Variants in BID observed in about 807,000 individuals in gnomAD.
The protein encoded by BID is BH3-interacting domain death agonist.
A neutral mutation model predicts 17.4 loss-of-function variants in BID; 19 were observed. The observed-to-expected ratio is 1.09, with a 90% CI of 0.76 to 1.60. The LOEUF (loss-of-function observed/expected upper bound fraction) is 1.60. Ranked by LOEUF, BID falls within the 40% of genes most tolerant of loss-of-function variation. BID has a pLI of 0.00. For missense variants in BID, 226 were observed against 256.0 expected (o/e 0.88, Z 0.80); for synonymous variants, 108 against 102.8 (o/e 1.05, Z -0.31).
chr22:17,761,370 G>C (rs1002480354), intron 1 of BID, among the ~76,000 whole-genome samples: 1 of 151,378 alleles, frequency 6.6e-6, no homozygotes, highest in African/African-American at 2.4e-5. Context: ...AAATGATTCT[G>C]CTATACAGAA....
chr22:17,754,764 TTGTTTG>T (rs2061568927), intron 1 of BID, among the ~76,000 whole-genome samples: 1 of 152,166 alleles, frequency 6.6e-6, no homozygotes, highest in African/African-American at 2.4e-5. Flanking sequence ...GTTTTTGTTT[TTGTTTG>T]TGTTTTTTTT....
intron 2 of BID, among the ~76,000 whole-genome samples, chr22:17,747,001 A>G (rs1379219267): frequency 2.0e-5 from 3 of 152,218 alleles, no homozygotes; most frequent in Admixed American, 2.0e-4. Context: ...ATCTGGACAC[A>G]GAGCGGTGCT....
rs1569037832 is a variant in BID, at chr22:17,739,357, A to T, written c.355T>A (p.Ser119Thr). The T allele has an allele frequency of 6.3e-7, 1 of 1,594,002 alleles. No individual in the cohort carries two copies. The highest frequency in any genetic ancestry group is 1.1e-5 in the South Asian group (1 of 89,900). ...LALQLRNTSRSEEDRNRDLAT... is the reference protein window; with the variant it reads ...LALQLRNTSRTEEDRNRDLAT... ...CTCAGGCCCTCACTCACCTCCTCCGACCGGCTGGTGTTCCTGAGCTGCAGG... is the reference window on the plus strand; with the variant it reads ...CTCAGGCCCTCACTCACCTCCTCCGTCCGGCTGGTGTTCCTGAGCTGCAGG... The change falls in exon 4 of 6, where the codon TCG becomes ACG. Residue 119 changes from serine (S) to threonine (T), a missense_variant. Coordinates refer to ENST00000622694, the MANE Select transcript of BID (RefSeq NM_001196.4).
chr22:17,748,702 T>TC (rs2061514271), intron 2 of BID, among the ~76,000 whole-genome samples: 1 of 151,176 alleles, frequency 6.6e-6, no homozygotes, highest in Non-Finnish European at 1.5e-5. Context: ...AGTGGCGACG[T>TC]CCACCCTCCC....
chr22:17,749,994 G>A, intron 2 of BID, 111 bp downstream of exon 2: 1 of 1,082,660 alleles, frequency 9.2e-7, no homozygotes, highest in South Asian at 1.4e-5. Context: ...CTGTGGTAAG[G>A]GCCAGGCGGG....
chr22:17,774,045 C>T (rs991393347), intron 1 of BID: 3 of 366,244 alleles, frequency 8.2e-6, no homozygotes, highest in Non-Finnish European at 1.5e-5. Flanking sequence ...GGCCCCTCCC[C>T]CTCCCCGCGC....
At chr22:17,750,242 G>A in intron 1 of BID, 68 bp from the exon 2 acceptor site, 1 of 1,339,746 alleles carries the variant, frequency 7.5e-7, no homozygotes, top group Non-Finnish European at 1.0e-6. Flanking sequence ...TCGGGAGGAC[G>A]ACGAAGCTGG....
At chr22:17,771,542 C>T (rs2061720726) in intron 1 of BID, among the ~76,000 whole-genome samples, 2 of 152,158 alleles carry the variant, frequency 1.3e-5, no homozygotes, top group South Asian at 4.1e-4. Flanking sequence ...CTCCCAAAGC[C>T]ACTTCCTCCT....
At chr22:17,750,949 T>C (rs1011549416) in intron 1 of BID, among the ~76,000 whole-genome samples, 1 of 151,098 alleles carries the variant, frequency 6.6e-6, no homozygotes, top group South Asian at 2.1e-4. Context: ...AGCAGGAGGA[T>C]CACTTACACC....
chr22:17,767,690 C>A (rs1340915829), intron 1 of BID, among the ~76,000 whole-genome samples: 1 of 152,136 alleles, frequency 6.6e-6, no homozygotes, highest in Non-Finnish European at 1.5e-5. Context: ...CTGATGCCAC[C>A]AAGCCATGGG....
intron 2 of BID, among the ~76,000 whole-genome samples, chr22:17,745,448 C>T (rs1601844650): frequency 6.6e-6 from 1 of 151,960 alleles, no homozygotes; most frequent in East Asian, 1.9e-4. Flanking sequence ...ATCGTTTGAG[C>T]CCAGGAATTT....
intron 5 of BID, among the ~76,000 whole-genome samples, chr22:17,737,313 G>GT (rs2061427155): frequency 6.6e-6 from 1 of 152,130 alleles, no homozygotes; most frequent in Non-Finnish European, 1.5e-5. Context: ...ATTTCAGACA[G>GT]TTCCCCCCCT....
At position 17,736,948 on chromosome 22, in the gene BID, C is replaced by T. The variant is rs568074886; in HGVS notation, c.576+1069G>A. On this transcript the variant is annotated intron_variant, in intron 5 of 5. Transcript: ENST00000622694. ...CCTCCTGAGTAGCTGGGATTACAGGCGCCCGCCACCACACCCAGCTAATTT... is the reference window on the plus strand; with the variant it reads ...CCTCCTGAGTAGCTGGGATTACAGGTGCCCGCCACCACACCCAGCTAATTT... 2.3e-3 allele frequency among the ~76,000 whole-genome samples: 344 copies of T among 151,594 alleles called. 4 individuals are homozygous for T. The highest frequency in any genetic ancestry group is 7.9e-3 in the African/African-American group (325 of 41,300).
Position 17,738,163 on chromosome 22 carries a change from TCTC to T in BID, c.427_429del (p.Glu143del). 6.2e-7 allele frequency: 1 copy of T among 1,613,560 alleles called. No homozygotes were observed. The highest frequency in any genetic ancestry group is 8.5e-7 in the Non-Finnish European group (1 of 1,180,020). ...GCCAGCACCAGCATGGTCTTCTCCT[TCTC>T]CATGTCTCTAGGGTAGGCCTGCAGC... On this transcript the variant is annotated inframe_deletion, in exon 5 of 6. Coordinates refer to ENST00000622694, the MANE Select transcript of BID (RefSeq NM_001196.4).
intron 2 of BID, among the ~76,000 whole-genome samples, chr22:17,744,311 A>G (rs8190313): frequency 0.037 from 5,562 of 152,230 alleles, 158 homozygotes; most frequent in East Asian, 0.086. Flanking sequence ...GCTTCCCACT[A>G]GGTGAGAAGG....
rs2145929537 is a variant in BID at position 17,773,876 on chromosome 22, C to T, written c.-59+505G>A. On this transcript the variant is annotated intron_variant, in intron 1 of 5. Coordinates refer to ENST00000622694, the MANE Select transcript of BID (RefSeq NM_001196.4). The surrounding 1 kb of genome is among the most constrained non-coding windows in gnomAD (Gnocchi z 4.4). ...GGGCGAGCCCCAGTAAGCGGCCGCTCTGACCGCGCTTTGTCAGCCCTGAGC... is the reference window on the plus strand; with the variant it reads ...GGGCGAGCCCCAGTAAGCGGCCGCTTTGACCGCGCTTTGTCAGCCCTGAGC... 4.7e-6 allele frequency: 3 copies of T among 637,024 alleles called. No homozygotes were observed. The East Asian group carries it at 8.3e-5, about 18-fold the overall frequency. The allele number at this position is 637,024 out of a possible 1,614,324, so 39.5% of individuals were successfully genotyped here. A position where few individuals can be genotyped will look rare whatever the true frequency, so the allele number is the denominator to read the frequency against.
chr22:17,763,139 A>G (rs2061653112), intron 1 of BID, among the ~76,000 whole-genome samples: 1 of 152,110 alleles, frequency 6.6e-6, no homozygotes, highest in Non-Finnish European at 1.5e-5. Context: ...AGCCTCCCAA[A>G]GTGCTGGCAT....
chr22:17,770,651 C>T (rs576076565), intron 1 of BID, among the ~76,000 whole-genome samples: 17 of 152,352 alleles, frequency 1.1e-4, no homozygotes, highest in East Asian at 3.9e-4. Flanking sequence ...GGCCAAGGGC[C>T]GTGACGGCGG....
In BID at chr22:17,769,029, G is replaced by A. The variant is rs995317717; in HGVS notation, c.-59+5352C>T. Among the ~76,000 whole-genome samples the A allele has an allele frequency of 8.6e-5, 13 of 150,764 alleles. No homozygotes were observed. The highest frequency in any genetic ancestry group is 1.8e-4 in the Non-Finnish European group (12 of 67,806). On this transcript the variant is annotated intron_variant, in intron 1 of 5. Coordinates refer to ENST00000622694, the MANE Select transcript of BID (RefSeq NM_001196.4). The surrounding 1 kb of genome is among the most constrained non-coding windows in gnomAD (Gnocchi z 4.8). ...TGCACTCCAGCCTGGGCGACAGAGT[G>A]AGACTCGTCTCAAAAATAAATAAAT...
Sources: allele counts gnomAD v4.1 joint callset (sites outside exome capture counted in the v4.1 genomes callset), GRCh38; gene constraint gnomAD v4.1.1; non-coding constraint Gnocchi (gnomAD v3.1); transcripts MANE v1.5; gene names NCBI Gene and HGNC (gene_info 2026-07-23, HGNC 2026-07-21).